E4F1: variants seen among roughly 807,000 people sequenced by gnomAD.
E4F1 encodes the protein transcription factor E4F1.
E4F1 carries 30 observed loss-of-function variants against 72.9 expected under a neutral mutation model. That is an observed-to-expected ratio of 0.41 (90% CI 0.31 to 0.56). The LOEUF is 0.56. Among genes scored for constraint, E4F1 ranks in the 20% least tolerant of loss-of-function variants. The pLI is 0.25. For missense variants in E4F1, 1,091 were observed against 1,117.5 expected (o/e 0.98, Z 0.34); for synonymous variants, 542 against 478.2 (o/e 1.13, Z -1.74).
At chr16:2,223,964 G>T in intron 1 of E4F1, 194 bp downstream of exon 1, 1 of 1,515,206 alleles carries the variant, frequency 6.6e-7, no homozygotes, top group Non-Finnish European at 8.8e-7. Flanking sequence ...CTCCTGCGGG[G>T]CGCCTGTCAT....
At chr16:2,231,011 C>T (rs35483132) in intron 3 of E4F1, 7,641 of 152,618 alleles carry the variant, frequency 0.05, 232 homozygotes, top group East Asian at 0.065. Context: ...TCTTGGCACC[C>T]CTGCCACTCT....
chr16:2,233,433 T>G lies in E4F1; in HGVS notation c.1057-5T>G, dbSNP rs769898047. 5.5e-5 allele frequency: 83 copies of G among 1,510,264 alleles called. No individual in the cohort carries two copies. The highest frequency in any genetic ancestry group is 7.0e-5 in the Non-Finnish European group (80 of 1,136,000). 93.6% of individuals were successfully genotyped at this position (1,510,264 alleles called of 1,614,324 possible). A position where few individuals can be genotyped will look rare whatever the true frequency, so the allele number is the denominator to read the frequency against. ...GCCAGCCTCCTCTCTCTGCCTCCCC[T>G]GCAGCCCCCCGTCTCCCAGGAGCTC... On this transcript the variant is annotated splice_region_variant and splice_polypyrimidine_tract_variant and intron_variant, in intron 7 of 13. Transcript: ENST00000301727.
At chr16:2,230,027 A>G in intron 3 of E4F1, 1 of 286,556 alleles carries the variant, frequency 3.5e-6, no homozygotes, top group East Asian at 7.9e-5. Flanking sequence ...AGGCAGCAAC[A>G]TCCACCAGGC....
Position 2,223,652 on chromosome 16 carries a change from T to A in E4F1, c.39T>A (p.His13Gln). 4 of 1,589,994 alleles carry A rather than the reference T, an allele frequency of 2.5e-6. No homozygotes were observed. Among genetic ancestry groups the A allele is most frequent in the Non-Finnish European group, 2.6e-6 (3 of 1,174,038 alleles). The change falls in exon 1 of 14, where the codon CAT becomes CAA. Residue 13 changes from histidine to glutamine, a missense_variant. Coordinates refer to ENST00000301727, the MANE Select transcript of E4F1 (RefSeq NM_004424.5). ...GAMAVRVTAAHTAEAQAEAGR... is the reference protein window; with the variant it reads ...GAMAVRVTAAQTAEAQAEAGR... ...TGGCAGTGCGGGTGACGGCCGCTCA[T>A]ACGGCAGAAGCCCAGGCCGAAGCCG...
chr16:2,224,059 T>C (rs1208752364), intron 1 of E4F1: 30 of 989,740 alleles, frequency 3.0e-5, no homozygotes, highest in Non-Finnish European at 4.0e-5. Flanking sequence ...GACGCCGGCG[T>C]CCCGGCCCTT....
intron 1 of E4F1, 145 bp downstream of exon 1, chr16:2,223,915 C>G (rs1380110658): frequency 1.3e-5 from 20 of 1,531,148 alleles, no homozygotes; most frequent in Non-Finnish European, 1.7e-5. Context: ...TCACAGCCCT[C>G]CACGAAACCC....
intron 1 of E4F1, among the ~76,000 whole-genome samples, chr16:2,226,807 G>T (rs2093435236): frequency 2.6e-5 from 4 of 152,226 alleles, no homozygotes; most frequent in South Asian, 2.1e-4. Context: ...TGAGGGGGTG[G>T]TCTCTTCTGC....
intron 1 of E4F1, among the ~76,000 whole-genome samples, chr16:2,225,810 A>AAT (rs1567295881): frequency 6.7e-5 from 10 of 149,630 alleles, no homozygotes; most frequent in African/African-American, 2.5e-4. Context: ...AAAAAAAAAA[A>AAT]AAAGGCTGGG....
chr16:2,232,002 G>T, intron 3 of E4F1, 169 bp from the exon 4 acceptor site: 2 of 769,144 alleles, frequency 2.6e-6, no homozygotes, highest in Non-Finnish European at 4.2e-6. Context: ...CTGACCTGGA[G>T]AGGTGAATGG....
At position 2,228,380 on chromosome 16, in the gene E4F1, G is replaced by A. The variant is rs770654268; in HGVS notation, c.166G>A (p.Asp56Asn). Residue 56 changes from aspartate to asparagine, a missense_variant, in exon 2 of 14, where the codon GAT becomes AAT. Transcript: ENST00000301727. ...CAGCAGGCTCGTTGCAGATGAGGAC[G>A]ATGTGCACAGATGCGGCCGCTGCCA... ...PAPFSEEDEDDVHRCGRCQAE... is the reference protein window; with the variant it reads ...PAPFSEEDEDNVHRCGRCQAE... 7.4e-6 allele frequency: 12 copies of A among 1,613,662 alleles called. No homozygotes were observed. Among genetic ancestry groups the A allele is most frequent in the South Asian group, 3.3e-5 (3 of 91,092 alleles).
chr16:2,228,135 C>T (rs1312180129), intron 1 of E4F1, among the ~76,000 whole-genome samples: 1 of 152,232 alleles, frequency 6.6e-6, no homozygotes, highest in Non-Finnish European at 1.5e-5. Flanking sequence ...CCACCCTCTG[C>T]TGGGTGCTGA....
At chr16:2,227,964 C>T (rs1406857051) in intron 1 of E4F1, among the ~76,000 whole-genome samples, 13 of 152,042 alleles carry the variant, frequency 8.6e-5, no homozygotes, top group Admixed American at 4.6e-4. Flanking sequence ...ATGCCCGGCC[C>T]CAGCAGTCTT....
In E4F1 at chr16:2,233,892, G is replaced by A; in HGVS notation, c.1277G>A (p.Ser426Asn). 1.3e-6 allele frequency: 2 copies of A among 1,595,160 alleles called. No homozygotes were observed. The highest frequency in any genetic ancestry group is 1.7e-6 in the Non-Finnish European group (2 of 1,171,342). ...CCTGTGGTTCCCCAGCAGGTGGCCA[G>A]CGAGGCCTCAGCGGTGCCCAGGACC... The part of the protein sequence containing the change: ...EVQPLETQVA[S>N]EASAVPRTHP... Residue 426 changes from serine (S) to asparagine (N), a missense_variant, in exon 9 of 14, where the codon AGC becomes AAC. This residue lies in a region of E4F1 where 622 missense variants were observed against 628.0 expected (regional missense o/e 0.99). Coordinates refer to ENST00000301727, the MANE Select transcript of E4F1 (RefSeq NM_004424.5).
In E4F1 at chr16:2,232,199, G is replaced by A; in HGVS notation, c.444G>A (p.Val148=). 2 of 1,612,606 alleles carry A rather than the reference G, an allele frequency of 1.2e-6. No homozygotes were observed. Among genetic ancestry groups the A allele is most frequent in the Non-Finnish European group, 1.7e-6 (2 of 1,179,928 alleles). The change falls in exon 4 of 14, where the codon GTG becomes GTA. Residue 148 remains valine, a synonymous_variant. Transcript: ENST00000301727. ...GTGGGCACATCAAAGAGGTCATCGT[G>A]GCTGCTGAGGCGGAGCTGGGAGACG... ...VGGGHIKEVI[V]AAEAELGDGE... is the part of the protein sequence containing the mutation.
Position 2,235,230 on chromosome 16 carries a change from C to T in E4F1, c.2013C>T (p.Ile671=), listed in dbSNP as rs2093499965. Residue 671 remains isoleucine, a synonymous_variant, in exon 14 of 14, where the codon ATC becomes ATT. Coordinates refer to ENST00000301727, the MANE Select transcript of E4F1 (RefSeq NM_004424.5). ...EGTQTEVDSH[I]MKVVQQIVHQ... ...TGGCCCTGCAGGTGGACAGCCACATCATGAAGGTGGTGCAGCAGATCGTGC... is the reference window on the plus strand; with the variant it reads ...TGGCCCTGCAGGTGGACAGCCACATTATGAAGGTGGTGCAGCAGATCGTGC... 1 of 1,609,782 alleles carries T rather than the reference C, an allele frequency of 6.2e-7. No homozygotes were observed. Among genetic ancestry groups the T allele is most frequent in the Non-Finnish European group, 8.5e-7 (1 of 1,179,056 alleles).
Position 2,228,452 on chromosome 16 carries a change from A to G in E4F1, c.238A>G (p.Lys80Glu). Residue 80 changes from lysine (K) to glutamate (E), a missense_variant, in exon 2 of 14, where the codon AAG becomes GAG. Around this residue, in one of 5 missense-constraint regions of E4F1, gnomAD observed 362 missense variants for 358.6 expected, o/e 1.01. Coordinates refer to ENST00000301727, the MANE Select transcript of E4F1 (RefSeq NM_004424.5). ...LEDFVQHKIQ[K>E]ACQRAPPEAL... ...GGATTTTGTTCAGCACAAGATTCAG[A>G]AGGCCTGCCAGCGGGCCCCTCCGGA... The G allele has an allele frequency of 6.2e-7, 1 of 1,613,426 alleles. No individual in the cohort carries two copies. The highest frequency in any genetic ancestry group is 8.5e-7 in the Non-Finnish European group (1 of 1,179,992).
intron 9 of E4F1, 62 bp downstream of exon 9, chr16:2,234,052 T>G: frequency 6.5e-7 from 1 of 1,535,924 alleles, no homozygotes; most frequent in East Asian, 2.4e-5. Context: ...CCGGGGTGCT[T>G]CTGGGTGTCC....
At chr16:2,225,674 G>GTTT (rs1326803255) in intron 1 of E4F1, among the ~76,000 whole-genome samples, 3 of 150,480 alleles carry the variant, frequency 2.0e-5, no homozygotes, top group African/African-American at 7.3e-5. Flanking sequence ...ATTTCTCCAT[G>GTTT]TTGGCCAGGC....
In E4F1 at chr16:2,235,618, C is replaced by T. The variant is rs1368455421; in HGVS notation, c.*46C>T. ...GGCCGGGCAGGGACAGGGCAGAGGA[C>T]TCTGAGCGCCCCACCCATGCCTGCC... On this transcript the variant is annotated 3_prime_UTR_variant, in exon 14 of 14. Coordinates refer to ENST00000301727, the MANE Select transcript of E4F1 (RefSeq NM_004424.5). The T allele has an allele frequency of 2.7e-6, 4 of 1,490,862 alleles. No individual in the cohort carries two copies. Among genetic ancestry groups the T allele is most frequent in the South Asian group, 1.3e-5 (1 of 76,160 alleles). The allele number at this position is 1,490,862 out of a possible 1,614,324, so 92.4% of individuals were successfully genotyped here. A position where few individuals can be genotyped will look rare whatever the true frequency, so the allele number is the denominator to read the frequency against.
Sources: gnomAD v4.1 joint callset for allele counts (sites outside exome capture counted in the v4.1 genomes callset) on GRCh38, gnomAD v4.1.1 for gene constraint, gnomAD v4.1.1 regional missense constraint, MANE v1.5 for transcripts, NCBI Gene and HGNC (gene_info 2026-07-23, HGNC 2026-07-21) for gene names.